S100Z: variants seen among roughly 807,000 people sequenced by gnomAD.
The protein encoded by S100Z is S100 calcium binding protein Z.
In S100Z, 11 loss-of-function variants were observed where a neutral mutation model predicts 8.5. The observed-to-expected ratio is 1.30, with a 90% confidence interval of 0.82 to 2.15. S100Z has a LOEUF of 2.15. S100Z is among the 30% of genes most tolerant of loss of function. The pLI is 0.00. For synonymous variants in S100Z, 34 were observed against 43.8 expected, an observed-to-expected ratio of 0.78 and a Z score of 0.89; for missense variants, 126 against 117.9, an observed-to-expected ratio of 1.07 and a Z score of -0.32.
chr5:76,874,858 C>T (rs1276528823), intron 2 of S100Z, among the ~76,000 whole-genome samples: 1 of 151,906 alleles, frequency 6.6e-6, no homozygotes, highest in African/African-American at 2.4e-5. Context: ...AAGGGTGGAA[C>T]ACTCTTTAAT....
intron 1 of S100Z, among the ~76,000 whole-genome samples, chr5:76,858,986 C>T (rs958713912): frequency 6.6e-6 from 1 of 152,052 alleles, no homozygotes; most frequent in Admixed American, 6.6e-5. Flanking sequence ...TGAGAGTGCA[C>T]GCCTGTAATC....
chr5:76,889,448 T>A (rs939082913), intron 4 of S100Z, among the ~76,000 whole-genome samples: 1 of 152,214 alleles, frequency 6.6e-6, no homozygotes, highest in African/African-American at 2.4e-5. Context: ...ATCTCGACAT[T>A]TCGCAGGGGC....
At chr5:76,852,184 C>G (rs1246917340) in intron 1 of S100Z, among the ~76,000 whole-genome samples, 1 of 152,188 alleles carries the variant, frequency 6.6e-6, no homozygotes. Flanking sequence ...CCACTGGCCT[C>G]CACTCCACTT....
chr5:76,894,985 G>A (rs962696456), intron 4 of S100Z, among the ~76,000 whole-genome samples: 3 of 152,078 alleles, frequency 2.0e-5, no homozygotes, highest in African/African-American at 7.2e-5. Context: ...AGAATTCCCT[G>A]AAGTCTAACT....
intron 4 of S100Z, among the ~76,000 whole-genome samples, chr5:76,890,159 G>A (rs1743807629): frequency 6.6e-6 from 1 of 152,116 alleles, no homozygotes; most frequent in Admixed American, 6.5e-5. Context: ...GAGTAGCTGG[G>A]ACTACAGGTG....
chr5:76,907,948 G>A (rs1349852698), intron 4 of S100Z, among the ~76,000 whole-genome samples: 2 of 152,134 alleles, frequency 1.3e-5, no homozygotes, highest in East Asian at 3.9e-4. Flanking sequence ...GGGCAGCATG[G>A]TGAAAGCACT....
rs770750593 is a variant in S100Z at position 76,877,759 on chromosome 5, T to C, written c.227T>C (p.Val76Ala). The change falls in exon 4 of 5, where the codon GTG becomes GCG. Residue 76 changes from valine to alanine, a missense_variant. By Grantham distance (64) the Val-to-Ala change is moderately conservative. Coordinates refer to ENST00000317593, the MANE Select transcript of S100Z (RefSeq NM_130772.4). ...KDNEVDFNEF[V>A]VMVAALTVAC... is the part of the protein sequence containing the mutation. ...AACGAAGTGGATTTTAATGAATTCG[T>C]GGTCATGGTGGCAGCTCTGACAGTT... 6 of 1,612,486 alleles carry C rather than the reference T, an allele frequency of 3.7e-6. No individual in the cohort carries two copies. The highest frequency in any genetic ancestry group is 2.7e-5 in the African/African-American group (2 of 75,030).
At chr5:76,869,346 A>G (rs1338759131) in intron 1 of S100Z, among the ~76,000 whole-genome samples, 1 of 151,384 alleles carries the variant, frequency 6.6e-6, no homozygotes, top group Non-Finnish European at 1.5e-5. Flanking sequence ...CCTATCAGAG[A>G]TGGGGGGATG....
At chr5:76,878,717 T>C (rs909151391) in intron 4 of S100Z, among the ~76,000 whole-genome samples, 1 of 152,186 alleles carries the variant, frequency 6.6e-6, no homozygotes. Context: ...GAAAGGACTA[T>C]AGAGATGGCA....
chr5:76,949,037 C>T, the S100Z span, among the ~76,000 whole-genome samples: 1 of 152,118 alleles, frequency 6.6e-6, no homozygotes, highest in Non-Finnish European at 1.5e-5. Flanking sequence ...TACAACAAAC[C>T]TCCATGACAC....
intron 4 of S100Z, among the ~76,000 whole-genome samples, chr5:76,919,052 T>C (rs1744948951): frequency 6.6e-6 from 1 of 152,228 alleles, no homozygotes; most frequent in South Asian, 2.1e-4. Context: ...GAATATTCCA[T>C]TGTCTGGATA....
Position 76,915,075 on chromosome 5 carries a change from G to A in S100Z, c.*3-5642G>A, listed in dbSNP as rs188400311. Among the ~76,000 whole-genome samples the A allele has an allele frequency of 1.6e-4, 25 of 152,254 alleles. No individual in the cohort carries two copies. The East Asian group carries it at 4.4e-3, about 27-fold the overall frequency. ...AATCCCAGCACTTTGGGAGGTCGAG[G>A]CAGGTGGATCACGAGGTTAGGAGAT... is the stretch of plus-strand genomic sequence containing the variant. On this transcript the variant is annotated intron_variant, in intron 4 of 4. Coordinates refer to ENST00000317593, the MANE Select transcript of S100Z (RefSeq NM_130772.4).
the S100Z span, among the ~76,000 whole-genome samples, chr5:76,934,409 G>C: frequency 6.6e-6 from 1 of 152,218 alleles, no homozygotes; most frequent in Non-Finnish European, 1.5e-5. Flanking sequence ...TGAAGACATA[G>C]TTACAAACTC....
At chr5:76,904,034 C>T (rs909517797) in intron 4 of S100Z, among the ~76,000 whole-genome samples, 8 of 151,858 alleles carry the variant, frequency 5.3e-5, no homozygotes, top group South Asian at 2.1e-4. Context: ...TGTGCCCGGC[C>T]GACATCTATA....
At chr5:76,947,601 C>G in the S100Z span, among the ~76,000 whole-genome samples, 1 of 152,162 alleles carries the variant, frequency 6.6e-6, no homozygotes, top group East Asian at 1.9e-4. Flanking sequence ...ACCACACTTC[C>G]TGATTTCAAA....
At chr5:76,937,217 G>A in the S100Z span, among the ~76,000 whole-genome samples, 2 of 151,456 alleles carry the variant, frequency 1.3e-5, no homozygotes, top group Non-Finnish European at 2.9e-5. Flanking sequence ...ATCACTTAAG[G>A]ACACATATGT....
chr5:76,883,659 C>T (rs192079988), intron 4 of S100Z, among the ~76,000 whole-genome samples: 17 of 152,328 alleles, frequency 1.1e-4, no homozygotes, highest in African/African-American at 3.8e-4. Context: ...AGCCACTAAG[C>T]TGAGAATATC....
intron 4 of S100Z, among the ~76,000 whole-genome samples, chr5:76,908,355 T>C (rs193182998): frequency 2.0e-5 from 3 of 152,270 alleles, no homozygotes; most frequent in African/African-American, 7.2e-5. Flanking sequence ...GACTTGCCTA[T>C]CTATCCTATC....
the S100Z span, among the ~76,000 whole-genome samples, chr5:76,939,670 A>C: frequency 1.3e-5 from 2 of 149,470 alleles, no homozygotes; most frequent in African/African-American, 4.9e-5. Context: ...ACACCACCAC[A>C]CCCGGCTAAT....
Sources: gnomAD v4.1 joint callset for allele counts (sites outside exome capture counted in the v4.1 genomes callset) on GRCh38, gnomAD v4.1.1 for gene constraint, MANE v1.5 for transcripts, NCBI Gene and HGNC (gene_info 2026-07-23, HGNC 2026-07-21) for gene names.